The following PRR5L variants were observed in gnomAD, a reference collection of about 807,000 sequenced individuals.
The protein encoded by PRR5L is proline-rich protein 5-like.
Under a neutral mutation model 36.4 loss-of-function variants are expected in PRR5L, and 21 were observed. That is an observed-to-expected ratio of 0.58 (90% CI 0.41 to 0.83). PRR5L has a LOEUF of 0.83. Ranked by LOEUF, PRR5L falls within the 40% of genes least tolerant of loss-of-function variation. The pLI is 0.00. For synonymous variants in PRR5L, 188 were observed against 197.0 expected (o/e 0.95, Z 0.38); for missense variants, 381 against 473.3 (o/e 0.80, Z 1.81).
intron 3 of PRR5L, among the ~76,000 whole-genome samples, chr11:36,413,585 G>A (rs550674647): frequency 1.1e-4 from 16 of 148,478 alleles, no homozygotes; most frequent in Non-Finnish European, 1.3e-4. Flanking sequence ...TTAAAGATAA[G>A]TATTAGTAAC....
rs1590620653 is a variant in PRR5L, at chr11:36,464,038, G to C, written c.*1302G>C. 1 of 152,236 alleles carries C rather than the reference G, an allele frequency of 6.6e-6. No homozygotes were observed. Among genetic ancestry groups the C allele is most frequent in the Non-Finnish European group, 1.5e-5 (1 of 68,070 alleles). 9.4% of individuals were successfully genotyped at this position (152,236 alleles called of 1,614,324 possible). A position where few individuals can be genotyped will look rare whatever the true frequency, so the allele number is the denominator to read the frequency against. ...GTTTATTCTCTGTGGTTAAAGAAATGCTGAGAATTTCTAGCATGTGAAGCA... is the reference window on the plus strand; with the variant it reads ...GTTTATTCTCTGTGGTTAAAGAAATCCTGAGAATTTCTAGCATGTGAAGCA... On this transcript the variant is annotated 3_prime_UTR_variant, in exon 9 of 9. Transcript: ENST00000530639.
intron 1 of PRR5L, among the ~76,000 whole-genome samples, chr11:36,345,368 C>T (rs1856854577): frequency 1.3e-5 from 2 of 152,192 alleles, no homozygotes; most frequent in South Asian, 2.1e-4. Context: ...CCATAGGGAA[C>T]ATGATTGCAG....
At chr11:36,432,844 G>A (rs1858529929) in intron 5 of PRR5L, among the ~76,000 whole-genome samples, 1 of 152,148 alleles carries the variant, frequency 6.6e-6, no homozygotes, top group African/African-American at 2.4e-5. Context: ...ACACGAGTGT[G>A]TCCAGGAAAG....
intron 1 of PRR5L, chr11:36,375,978 C>A: frequency 2.5e-6 from 1 of 407,694 alleles, no homozygotes; most frequent in South Asian, 1.9e-5. Context: ...CCCAGAATCA[C>A]CTCTTGGCTT....
intron 8 of PRR5L, among the ~76,000 whole-genome samples, chr11:36,455,963 C>T (rs1375337790): frequency 4.6e-5 from 7 of 152,176 alleles, no homozygotes; most frequent in Non-Finnish European, 1.0e-4. Context: ...AAACATTCCA[C>T]CCAGAAAGTA....
In PRR5L at chr11:36,360,967, C is replaced by A. The variant is rs1327769584; in HGVS notation, c.-125-40030C>A. Among the ~76,000 whole-genome samples the A allele has an allele frequency of 2.6e-5, 4 of 152,142 alleles. No homozygotes were observed. In the East Asian group the frequency reaches 7.7e-4, roughly 29 times the overall value. On this transcript the variant is annotated intron_variant, in intron 1 of 8. Transcript: ENST00000530639. Reference sequence around the variant, plus strand: ...AGGAACTGTGAAGTCACGCAGGGCCCCATGCTCAGAGCTCAGTTCAATGTT... The same window carrying A: ...AGGAACTGTGAAGTCACGCAGGGCCACATGCTCAGAGCTCAGTTCAATGTT...
Position 36,464,310 on chromosome 11 carries a change from T to C in PRR5L, c.*1574T>C, listed in dbSNP as rs536186063. On this transcript the variant is annotated 3_prime_UTR_variant, in exon 9 of 9. Transcript: ENST00000530639. ...GGTGCTGGGAGAAGGTGAAGATCAG[T>C]CTAAGCTGCCACGGTGATGAGACCT... is the stretch of plus-strand genomic sequence containing the variant. 14 of 152,304 alleles carry C rather than the reference T, an allele frequency of 9.2e-5. No individual in the cohort carries two copies. Among genetic ancestry groups the C allele is most frequent in the African/African-American group, 3.4e-4 (14 of 41,558 alleles). The allele number at this position is 152,304 out of a possible 1,614,324, so 9.4% of individuals were successfully genotyped here.
At chr11:36,408,433 T>C (rs1364039279) in intron 3 of PRR5L, among the ~76,000 whole-genome samples, 2 of 152,230 alleles carry the variant, frequency 1.3e-5, no homozygotes, top group African/African-American at 2.4e-5. Flanking sequence ...TTGCACATTG[T>C]AATATCTCTC....
chr11:36,326,492 C>A (rs1856664261), intron 1 of PRR5L, among the ~76,000 whole-genome samples: 1 of 151,434 alleles, frequency 6.6e-6, no homozygotes, highest in Admixed American at 6.5e-5. Context: ...AGATCCAAAC[C>A]AAAATTACAT....
intron 1 of PRR5L, chr11:36,323,243 T>C (rs1484694200): frequency 6.6e-6 from 1 of 151,584 alleles, no homozygotes; most frequent in African/African-American, 2.4e-5. Flanking sequence ...AGATAAAGAG[T>C]GGTGAGAGGT....
At position 36,386,777 on chromosome 11, in the gene PRR5L, T is replaced by A. The variant is rs78547861; in HGVS notation, c.-125-14220T>A. On this transcript the variant is annotated intron_variant, in intron 1 of 8. Coordinates refer to ENST00000530639, the MANE Select transcript of PRR5L (RefSeq NM_001160167.2). ...TTCTTCATCTGCAAAATGAGCCTAATGAAACCTACCTCCTTGGTTTAGAGT... is the reference window on the plus strand; with the variant it reads ...TTCTTCATCTGCAAAATGAGCCTAAAGAAACCTACCTCCTTGGTTTAGAGT... Among the ~76,000 whole-genome samples the A allele has an allele frequency of 1.8e-3, 269 of 152,346 alleles. 4 individuals are homozygous for A. The East Asian group carries it at 0.04, about 23-fold the overall frequency.
chr11:36,403,573 G>A (rs1857847282), intron 3 of PRR5L, among the ~76,000 whole-genome samples, 195 bp downstream of exon 3: 1 of 151,478 alleles, frequency 6.6e-6, no homozygotes, highest in Non-Finnish European at 1.5e-5. Flanking sequence ...CTGATCCATA[G>A]AGAATCATTT....
In PRR5L at chr11:36,351,657, A is replaced by ATT. The variant is rs1491431024; in HGVS notation, c.-125-49340_-125-49339insTT. 2.4e-3 allele frequency among the ~76,000 whole-genome samples: 5 copies of ATT among 2,088 alleles called. 2 individuals are homozygous for ATT. The highest frequency in any genetic ancestry group is 8.6e-3 in the African/African-American group (4 of 466). 1.4% of individuals were successfully genotyped at this position (2,088 alleles called of 152,430 possible). On this transcript the variant is annotated intron_variant, in intron 1 of 8. Coordinates refer to ENST00000530639, the MANE Select transcript of PRR5L (RefSeq NM_001160167.2). ...TAAATATATATTTATATATTTATAT[A>ATT]AATATATATTTATATACTTATATAT...
At chr11:36,384,679 CT>C (rs1438101723) in intron 1 of PRR5L, among the ~76,000 whole-genome samples, 5 of 87,792 alleles carry the variant, frequency 5.7e-5, no homozygotes, top group Admixed American at 1.1e-4. Flanking sequence ...TTCTTTCTTT[CT>C]TTCTTTTTTG....
At chr11:36,462,220 C>G (rs552212635) in intron 8 of PRR5L, 122 bp from the exon 9 acceptor site, 3 of 902,220 alleles carry the variant, frequency 3.3e-6, no homozygotes. Context: ...TGTGGCAGGG[C>G]TGCACCTAAG....
chr11:36,398,983 A>C (rs879899786), intron 1 of PRR5L, among the ~76,000 whole-genome samples: 5 of 152,256 alleles, frequency 3.3e-5, no homozygotes, highest in South Asian at 2.1e-4. Flanking sequence ...TAGCAGGTCC[A>C]TTTGAAGAAT....
intron 5 of PRR5L, among the ~76,000 whole-genome samples, chr11:36,432,730 T>C (rs1858527257): frequency 6.6e-6 from 1 of 152,220 alleles, no homozygotes. Flanking sequence ...CTTTCTTTTT[T>C]TTCTGCTCCA....
intron 1 of PRR5L, among the ~76,000 whole-genome samples, chr11:36,351,382 CAAAT>C (rs1370089734): frequency 8.7e-5 from 6 of 69,354 alleles, no homozygotes; most frequent in African/African-American, 3.1e-4. Flanking sequence ...ACATATATAT[CAAAT>C]AAATATATAT....
intron 4 of PRR5L, among the ~76,000 whole-genome samples, chr11:36,430,735 G>A (rs76111093): frequency 0.011 from 1,639 of 152,234 alleles, 44 homozygotes; most frequent in East Asian, 0.08. Flanking sequence ...GAATGTTATG[G>A]TATTGCTAGT....
Sources: allele counts gnomAD v4.1 joint callset (sites outside exome capture counted in the v4.1 genomes callset), GRCh38; gene constraint gnomAD v4.1.1; transcripts MANE v1.5; gene names NCBI Gene and HGNC (gene_info 2026-07-23, HGNC 2026-07-21).